The following RNF213 variants were observed in gnomAD, a reference collection of about 807,000 sequenced individuals.
RNF213 encodes the protein E3 ubiquitin-protein ligase RNF213.
Under a neutral mutation model 514.4 loss-of-function variants are expected in RNF213, and 341 were observed. The observed-to-expected ratio is 0.66, with a 90% CI of 0.61 to 0.73. The LOEUF is 0.73. Ranked by LOEUF, RNF213 falls within the 30% of genes least tolerant of loss-of-function variation. RNF213 has a pLI of 0.00. For synonymous variants in RNF213, 2,655 were observed against 2,658.2 expected, an observed-to-expected ratio of 1.00 and a Z score of 0.04; for missense variants, 5,767 against 6,615.6, an observed-to-expected ratio of 0.87 and a Z score of 4.45.
intron 38 of RNF213, among the ~76,000 whole-genome samples, chr17:80,360,996 C>G (rs2079034911): frequency 6.6e-6 from 1 of 152,156 alleles, no homozygotes; most frequent in Non-Finnish European, 1.5e-5. Flanking sequence ...CCACTAGAAG[C>G]CAGATCTTTC....
intron 15 of RNF213, chr17:80,316,417 TAAAAG>T (rs1010313660): frequency 5.3e-5 from 8 of 152,282 alleles, no homozygotes; most frequent in African/African-American, 1.9e-4. Flanking sequence ...GTCAACATGT[TAAAAG>T]AAAAAAGAAA....
At chr17:80,299,704 T>C (rs2045104292) in intron 11 of RNF213, among the ~76,000 whole-genome samples, 1 of 152,114 alleles carries the variant, frequency 6.6e-6, no homozygotes, top group South Asian at 2.1e-4. Context: ...CCTGATCCTC[T>C]CCCTCTTCCC....
chr17:80,330,974 C>T (rs981840044), intron 20 of RNF213, among the ~76,000 whole-genome samples: 4 of 152,190 alleles, frequency 2.6e-5, no homozygotes. Flanking sequence ...TCCACCACCA[C>T]GTCCAGCTAG....
chr17:80,294,081 C>A (rs1344503629), intron 8 of RNF213, among the ~76,000 whole-genome samples: 1 of 152,214 alleles, frequency 6.6e-6, no homozygotes, highest in African/African-American at 2.4e-5. Context: ...TGGCCTCTGA[C>A]CCTGTCATTG....
intron 36 of RNF213, among the ~76,000 whole-genome samples, chr17:80,356,471 G>C (rs76619301): frequency 6.6e-6 from 1 of 152,210 alleles, no homozygotes; most frequent in African/African-American, 2.4e-5. Flanking sequence ...GGCCAGACCC[G>C]CACCCTCAGC....
At chr17:80,332,677 C>T (rs2143980530) in intron 21 of RNF213, 46 bp downstream of exon 21, 1 of 1,449,598 alleles carries the variant, frequency 6.9e-7, no homozygotes, top group Non-Finnish European at 9.0e-7. Context: ...GGGCGTCCTG[C>T]CTCAGCCTCT....
At chr17:80,381,772 G>A (rs369621531) in intron 57 of RNF213, 45 bp downstream of exon 57, 163 of 1,569,608 alleles carry the variant, frequency 1.0e-4, no homozygotes, top group Middle Eastern at 1.7e-4. Flanking sequence ...ACAGCACAAC[G>A]GCAGCGCAAG....
At chr17:80,291,931 G>A in intron 8 of RNF213, 104 bp downstream of exon 8, 2 of 1,252,712 alleles carry the variant, frequency 1.6e-6, no homozygotes, top group African/African-American at 1.5e-5. Flanking sequence ...TGCCTGGGCA[G>A]TGAGGTCCTC....
At chr17:80,361,026 C>T (rs932282689) in intron 38 of RNF213, among the ~76,000 whole-genome samples, 1 of 149,502 alleles carries the variant, frequency 6.7e-6, no homozygotes, top group Non-Finnish European at 1.5e-5. Flanking sequence ...TGCTCTGTGA[C>T]CCCCAGCCCC....
intron 8 of RNF213, among the ~76,000 whole-genome samples, chr17:80,293,751 C>T (rs1443628029): frequency 2.0e-5 from 3 of 151,938 alleles, no homozygotes; most frequent in African/African-American, 7.3e-5. Context: ...GGCGTGAACC[C>T]GGGAGGCGGA....
rs749735782 is a variant in RNF213 at position 80,354,159 on chromosome 17, G to A, written c.10719G>A (p.Ala3573=). 26 of 1,613,542 alleles carry A rather than the reference G, an allele frequency of 1.6e-5. No homozygotes were observed. Among genetic ancestry groups the A allele is most frequent in the African/African-American group, 2.7e-5 (2 of 74,926 alleles). ...TGGGCCTCTTGAATGAGGATGACGCGTGCCACGGTATGAGCCTCCCCACCC... is the reference window on the plus strand; with the variant it reads ...TGGGCCTCTTGAATGAGGATGACGCATGCCACGGTATGAGCCTCCCCACCC... ...LLLGLLNEDD[A]CHASFLRVSK... Residue 3573 remains alanine (A), a synonymous_variant, in exon 35 of 68, where the codon GCG becomes GCA. Transcript: ENST00000582970.
At chr17:80,393,039 G>A (rs1039829763) in intron 67 of RNF213, among the ~76,000 whole-genome samples, 2 of 152,046 alleles carry the variant, frequency 1.3e-5, no homozygotes, top group African/African-American at 4.8e-5. Flanking sequence ...GTGCAGTTGT[G>A]CAATCTCAGC....
At chr17:80,284,333 C>T (rs2044397676) in intron 3 of RNF213, among the ~76,000 whole-genome samples, 1 of 152,072 alleles carries the variant, frequency 6.6e-6, no homozygotes, top group African/African-American at 2.4e-5. Context: ...CATTGCACTC[C>T]AGCCTGGGCA....
intron 61 of RNF213, 99 bp from the exon 62 acceptor site, chr17:80,386,151 T>C: frequency 8.6e-7 from 1 of 1,164,870 alleles, no homozygotes; most frequent in Non-Finnish European, 1.3e-6. Flanking sequence ...CTCCCGGCTG[T>C]GTGTGGAGCT....
intron 7 of RNF213, among the ~76,000 whole-genome samples, chr17:80,291,192 A>G (rs2044714093): frequency 6.6e-6 from 1 of 151,798 alleles, no homozygotes; most frequent in East Asian, 1.9e-4. Context: ...CTTCCTGGCC[A>G]TGCATTTTGG....
intron 65 of RNF213, among the ~76,000 whole-genome samples, 155 bp from the exon 66 acceptor site, chr17:80,389,673 A>T (rs2080383065): frequency 6.6e-6 from 1 of 152,180 alleles, no homozygotes; most frequent in Non-Finnish European, 1.5e-5. Context: ...GGTAGATAGG[A>T]CAGAGATGGC....
At position 80,386,378 on chromosome 17, in the gene RNF213, C is replaced by T; in HGVS notation, c.14668C>T (p.Leu4890=). Residue 4890 remains leucine, a synonymous_variant, in exon 62 of 68, where the codon CTA becomes TTA. Coordinates refer to ENST00000582970, the MANE Select transcript of RNF213 (RefSeq NM_001256071.3). ...ATALVSYLIR[L]HNEIVYAVEK... ...CGCTCTCGTCAGCTACTTGATTCGC[C>T]TACACAATGAAATTGTCTACGCCGT... 1 of 1,614,188 alleles carries T rather than the reference C, an allele frequency of 6.2e-7. No individual in the cohort carries two copies. Among genetic ancestry groups the T allele is most frequent in the South Asian group, 1.1e-5 (1 of 91,090 alleles).
At position 80,340,336 on chromosome 17, in the gene RNF213, C is replaced by T. The variant is rs1179615309; in HGVS notation, c.5969C>T (p.Ala1990Val). The change falls in exon 26 of 68, where the codon GCC becomes GTC. Residue 1990 changes from alanine (A) to valine (V), a missense_variant. Transcript: ENST00000582970. ...GACCGGCTGTGTGTTGGGATCGTGG[C>T]CTCGGAGCGAGCAGGTGTTGGTAAG... ...FNDRLCVGIV[A>V]SERAGVGKSL... 2 of 1,612,748 alleles carry T rather than the reference C, an allele frequency of 1.2e-6. No individual in the cohort carries two copies. The highest frequency in any genetic ancestry group is 2.7e-5 in the African/African-American group (2 of 74,934).
Position 80,385,126 on chromosome 17 carries a change from G to C in RNF213, c.14410G>C (p.Val4804Leu), listed in dbSNP as rs138228835. The stretch of plus-strand genomic sequence containing the variant: ...GAAGCAGTTCCAGAACGTCCAGCAA[G>C]TTGAATACAGCTCCATCAGAGGCTT... ...LVKQFQNVQQ[V>L]EYSSIRGFLS... The change falls in exon 60 of 68, where the codon GTT (valine) becomes CTT (leucine). Residue 4804 changes from valine to leucine, a missense_variant. Val to Leu is a conservative substitution (Grantham distance 32). This residue lies in a region of RNF213 where 1,245 missense variants were observed against 1,339.0 expected (regional missense o/e 0.93). Transcript: ENST00000582970. The C allele has an allele frequency of 8.4e-5, 135 of 1,614,212 alleles. No individual in the cohort carries two copies. The African/African-American group carries it at 1.7e-3, about 21-fold the overall frequency.
Sources: allele counts gnomAD v4.1 joint callset (sites outside exome capture counted in the v4.1 genomes callset), GRCh38; gene constraint gnomAD v4.1.1; regional missense constraint gnomAD v4.1.1; transcripts MANE v1.5; gene names NCBI Gene and HGNC (gene_info 2026-07-23, HGNC 2026-07-21).